The following TENM2 variants were observed in gnomAD, a reference collection of about 807,000 sequenced individuals.
TENM2 encodes teneurin transmembrane protein 2.
In TENM2, 52 loss-of-function variants were observed where a neutral mutation model predicts 245.2. That is an observed-to-expected ratio of 0.21 (90% CI 0.17 to 0.27). The LOEUF is 0.27. TENM2 is among the 10% of genes least tolerant of loss of function. The pLI is 1.00. For missense variants in TENM2, 3,046 were observed against 3,666.8 expected, an observed-to-expected ratio of 0.83 and a Z score of 4.37; for synonymous variants, 1,363 against 1,438.9, an observed-to-expected ratio of 0.95 and a Z score of 1.19.
intron 2 of TENM2, among the ~76,000 whole-genome samples, chr5:167,785,193 G>A (rs1475313184): frequency 6.6e-6 from 1 of 152,084 alleles, no homozygotes; most frequent in Non-Finnish European, 1.5e-5. Flanking sequence ...CGCCTATCCT[G>A]TTTTATCCTA....
chr5:168,217,901 G>A (rs1370286492), intron 22 of TENM2, among the ~76,000 whole-genome samples: 2 of 152,102 alleles, frequency 1.3e-5, no homozygotes, highest in Non-Finnish European at 2.9e-5. Context: ...TTCTGGTCAT[G>A]GCAGGTGACA....
intron 13 of TENM2, among the ~76,000 whole-genome samples, chr5:168,171,695 T>A (rs1758841805): frequency 6.6e-6 from 1 of 150,840 alleles, no homozygotes; most frequent in Non-Finnish European, 1.5e-5. Context: ...AGGGATTATG[T>A]TTTTTTCCCC....
chr5:167,510,732 T>C (rs1441054716), intron 2 of TENM2, among the ~76,000 whole-genome samples: 1 of 152,022 alleles, frequency 6.6e-6, no homozygotes, highest in Non-Finnish European at 1.5e-5. Context: ...GTTTAGTTTT[T>C]TGTTGTTGTT....
At chr5:167,970,994 T>C (rs1215116436) in intron 4 of TENM2, among the ~76,000 whole-genome samples, 3 of 152,168 alleles carry the variant, frequency 2.0e-5, no homozygotes, top group African/African-American at 7.2e-5. Context: ...GTTTCACTAC[T>C]ATTTGCTTTG....
the TENM2 span, among the ~76,000 whole-genome samples, chr5:167,010,095 G>C: frequency 1.3e-5 from 2 of 152,174 alleles, no homozygotes. Context: ...ATTTTACAAA[G>C]GAAAGGCTGG....
At chr5:167,733,726 T>C (rs1490158775) in intron 2 of TENM2, among the ~76,000 whole-genome samples, 1 of 152,228 alleles carries the variant, frequency 6.6e-6, no homozygotes, top group Non-Finnish European at 1.5e-5. Flanking sequence ...GGTTCTTTGC[T>C]TAAGACCAGA....
intron 2 of TENM2, among the ~76,000 whole-genome samples, chr5:167,499,815 T>G (rs1769051698): frequency 6.6e-6 from 1 of 151,174 alleles, no homozygotes; most frequent in Admixed American, 6.6e-5. Flanking sequence ...AGGGAGTGTG[T>G]GTGTGTGTGT....
intron 12 of TENM2, among the ~76,000 whole-genome samples, chr5:168,140,722 A>G (rs912642872): frequency 1.3e-5 from 2 of 152,252 alleles, no homozygotes; most frequent in Admixed American, 1.3e-4. Context: ...GGATACCTGT[A>G]TTTTGCTAAC....
chr5:167,063,095 G>A, the TENM2 span, among the ~76,000 whole-genome samples: 27 of 152,202 alleles, frequency 1.8e-4, no homozygotes, highest in African/African-American at 6.3e-4. Context: ...TAAGTTTCTA[G>A]ACAGTTTCTC....
chr5:167,488,597 C>T (rs1487596363), intron 2 of TENM2, among the ~76,000 whole-genome samples: 1 of 152,090 alleles, frequency 6.6e-6, no homozygotes, highest in African/African-American at 2.4e-5. Context: ...CCTCTTAGTG[C>T]TGGAGCTCAC....
chr5:167,867,205 A>C (rs2151320402), intron 2 of TENM2, among the ~76,000 whole-genome samples: 1 of 152,326 alleles, frequency 6.6e-6, no homozygotes, highest in East Asian at 1.9e-4. Context: ...GAAGCACTGC[A>C]TTTCACCTCA....
intron 2 of TENM2, among the ~76,000 whole-genome samples, chr5:167,627,757 A>C (rs1337800007): frequency 6.6e-6 from 1 of 151,970 alleles, no homozygotes; most frequent in Non-Finnish European, 1.5e-5. Flanking sequence ...GGGTTTCATC[A>C]TGTTGGCCAG....
rs773969970 is a variant in TENM2, at chr5:167,641,309, T to C, written c.503-234677T>C. ...GCAGAACCAAATAAACCACGGGGAG[T>C]AGTTATCTATAATGAGATGGGAGAC... On this transcript the variant is annotated intron_variant, in intron 2 of 28. Coordinates refer to ENST00000518659, the Ensembl canonical transcript of TENM2. Among the ~76,000 whole-genome samples, 44 of 151,582 alleles carry C rather than the reference T, an allele frequency of 2.9e-4. 1 individual carries two copies. The highest frequency in any genetic ancestry group is 5.9e-4 in the Non-Finnish European group (40 of 67,884).
chr5:167,113,167 G>T, the TENM2 span, among the ~76,000 whole-genome samples: 778 of 152,244 alleles, frequency 5.1e-3, 8 homozygotes, highest in African/African-American at 0.018. Context: ...GACTCAAAAT[G>T]TTAACTGAGG....
At chr5:167,683,262 C>CTTT (rs1561668820) in intron 2 of TENM2, among the ~76,000 whole-genome samples, 7 of 79,088 alleles carry the variant, frequency 8.9e-5, no homozygotes, top group South Asian at 6.8e-4. Context: ...TTTTTTTTTC[C>CTTT]CCCCCTGGGC....
chr5:167,357,300 C>CTTTTTT (rs11442891), intron 1 of TENM2, among the ~76,000 whole-genome samples: 4 of 139,992 alleles, frequency 2.9e-5, no homozygotes, highest in Non-Finnish European at 4.6e-5. Flanking sequence ...GCCATCCTTT[C>CTTTTTT]TTTTTTTTTT....
At chr5:167,530,236 T>C (rs1268624707) in intron 2 of TENM2, among the ~76,000 whole-genome samples, 1 of 152,174 alleles carries the variant, frequency 6.6e-6, no homozygotes, top group Non-Finnish European at 1.5e-5. Context: ...AAAACAAAAA[T>C]CAGTTGTTCT....
intron 2 of TENM2, among the ~76,000 whole-genome samples, chr5:167,815,885 A>G (rs1260118506): frequency 2.0e-5 from 3 of 151,698 alleles, no homozygotes; most frequent in Admixed American, 6.6e-5. Context: ...CACTGAGAAG[A>G]TCTCTTCTTT....
chr5:168,063,357 G>T (rs570997929), intron 7 of TENM2, among the ~76,000 whole-genome samples: 2 of 152,034 alleles, frequency 1.3e-5, no homozygotes, highest in East Asian at 3.9e-4. Flanking sequence ...TTAGTTTGTC[G>T]TGGTGGAAGT....
Sources: allele counts gnomAD v4.1 joint callset (sites outside exome capture counted in the v4.1 genomes callset), GRCh38; gene constraint gnomAD v4.1.1; transcripts MANE v1.5; gene names NCBI Gene and HGNC (gene_info 2026-07-23, HGNC 2026-07-21).